Variants in NUP155 observed in about 807,000 individuals in gnomAD.
NUP155 encodes nucleoporin 155, also known as nuclear pore complex protein Nup155.
A neutral mutation model predicts 180.4 loss-of-function variants in NUP155; 71 were observed. The observed-to-expected ratio is 0.39, with a 90% CI of 0.33 to 0.48. The LOEUF is 0.48. Among genes scored for constraint, NUP155 ranks in the 20% least tolerant of loss-of-function variants. The probability of loss-of-function intolerance (pLI) is 0.91; values close to 1 mark genes in which losing one functional copy is unlikely to be tolerated. For missense variants in NUP155, 1,553 were observed against 1,648.9 expected (o/e 0.94, Z 1.01); for synonymous variants, 582 against 559.5 (o/e 1.04, Z -0.57).
chr5:37,292,743 T>G (rs1742302944), intron 34 of NUP155, 136 bp downstream of exon 34: 3 of 649,288 alleles, frequency 4.6e-6, no homozygotes, highest in South Asian at 1.8e-5. Flanking sequence ...TTTTCATACA[T>G]GGTGATCAAT....
intron 21 of NUP155, among the ~76,000 whole-genome samples, chr5:37,316,912 C>T (rs1561779355): frequency 6.6e-6 from 1 of 151,470 alleles, no homozygotes. Flanking sequence ...CCTGTAATCC[C>T]AGCACTTTGG....
intron 12 of NUP155, among the ~76,000 whole-genome samples, chr5:37,334,432 G>A (rs1745186369): frequency 6.6e-6 from 1 of 151,640 alleles, no homozygotes; most frequent in South Asian, 2.1e-4. Flanking sequence ...CAAGGCTGGA[G>A]TGCAGTGGCC....
chr5:37,340,625 ACAATT>A (rs1745652037), intron 11 of NUP155, among the ~76,000 whole-genome samples: 1 of 152,206 alleles, frequency 6.6e-6, no homozygotes, highest in African/African-American at 2.4e-5. Context: ...TAAGATGAAG[ACAATT>A]CAATGGGGGA....
rs1346705296 is a variant in NUP155, at chr5:37,365,711, GAGAAAAAAA to G, written c.158-1336_158-1328del. ...TGACAGAGCAAGACTCTGTCTCGGGGAGAAAAAAAAAAAAAAAAAAAAAAAAAATATATA... is the reference window on the plus strand; with the variant it reads ...TGACAGAGCAAGACTCTGTCTCGGGGAAAAAAAAAAAAAAAAAAATATATA... On this transcript the variant is annotated intron_variant, in intron 1 of 34. Coordinates refer to ENST00000231498, the MANE Select transcript of NUP155 (RefSeq NM_153485.3). Among the ~76,000 whole-genome samples the G allele has an allele frequency of 7.1e-4, 24 of 34,014 alleles. 2 individuals are homozygous for G. The highest frequency in any genetic ancestry group is 3.2e-3 in the African/African-American group (20 of 6,320). The allele number at this position is 34,014 out of a possible 152,430, so 22.3% of individuals were successfully genotyped here. A position where few individuals can be genotyped will look rare whatever the true frequency, so the allele number is the denominator to read the frequency against.
At chr5:37,311,603 G>A (rs1387076995) in intron 22 of NUP155, among the ~76,000 whole-genome samples, 1 of 151,696 alleles carries the variant, frequency 6.6e-6, no homozygotes, top group Non-Finnish European at 1.5e-5. Flanking sequence ...AATGGTATAC[G>A]AGAGTCAAAA....
chr5:37,361,200 G>A (rs1747191915), intron 3 of NUP155, among the ~76,000 whole-genome samples: 2 of 146,642 alleles, frequency 1.4e-5, no homozygotes, highest in Non-Finnish European at 3.0e-5. Flanking sequence ...CCAGGAGGTG[G>A]AGGTTGCAGT....
intron 21 of NUP155, among the ~76,000 whole-genome samples, chr5:37,316,581 C>T (rs1743899669): frequency 6.6e-6 from 1 of 152,072 alleles, no homozygotes; most frequent in African/African-American, 2.4e-5. Flanking sequence ...TCTCTTGCCT[C>T]GGCCTCCCGA....
In NUP155 at chr5:37,358,007, T is replaced by C. The variant is rs1027055865; in HGVS notation, c.463+74A>G. On this transcript the variant is annotated intron_variant, in intron 4 of 34. Transcript: ENST00000231498. Reference sequence around the variant, plus strand: ...GACTCCATCTCGAAAAAAATGTGTGTTGTTGTTCAGGTCTATACCATTTGG... The same window carrying C: ...GACTCCATCTCGAAAAAAATGTGTGCTGTTGTTCAGGTCTATACCATTTGG... The C allele has an allele frequency of 8.7e-6, 9 of 1,031,968 alleles. No homozygotes were observed. In the African/African-American group the frequency reaches 1.1e-4, roughly 13 times the overall value. 63.9% of individuals were successfully genotyped at this position (1,031,968 alleles called of 1,614,324 possible).
chr5:37,350,699 A>C (rs1746397271), intron 6 of NUP155, among the ~76,000 whole-genome samples: 1 of 151,652 alleles, frequency 6.6e-6, no homozygotes, highest in African/African-American at 2.4e-5. Flanking sequence ...AGCTATTGGG[A>C]GGCTGAGGCA....
At chr5:37,311,329 T>TG (rs1200933072) in intron 22 of NUP155, among the ~76,000 whole-genome samples, 1 of 152,136 alleles carries the variant, frequency 6.6e-6, no homozygotes, top group Non-Finnish European at 1.5e-5. Context: ...CCATTGGTGA[T>TG]GTAAGGAAGA....
intron 11 of NUP155, among the ~76,000 whole-genome samples, chr5:37,338,317 CA>C (rs530524699): frequency 0.11 from 7,328 of 64,998 alleles, 567 homozygotes; most frequent in African/African-American, 0.28. Context: ...GATTCCGTCT[CA>C]AAAAAAAAAA....
intron 5 of NUP155, among the ~76,000 whole-genome samples, chr5:37,351,793 A>G (rs751734900): frequency 1.4e-4 from 22 of 151,796 alleles, no homozygotes; most frequent in Non-Finnish European, 2.9e-4. Context: ...CAGCTTCTAT[A>G]ATATACATTT....
intron 32 of NUP155, among the ~76,000 whole-genome samples, 196 bp from the exon 33 acceptor site, chr5:37,294,661 G>A (rs966960907): frequency 1.6e-4 from 24 of 151,962 alleles, no homozygotes; most frequent in Admixed American, 1.2e-3. Flanking sequence ...TACAGTGCAC[G>A]ACAGCCTTGA....
intron 1 of NUP155, 29 bp downstream of exon 1, chr5:37,370,792 G>A (rs201569181): frequency 5.0e-6 from 8 of 1,613,944 alleles, no homozygotes; most frequent in South Asian, 1.1e-5. Context: ...AGTCCTTTAG[G>A]TTGAGAAAGC....
Position 37,290,071 on chromosome 5 carries a change from C to T in NUP155, c.*1829G>A, listed in dbSNP as rs1742168678. 6.6e-6 allele frequency: 1 copy of T among 152,080 alleles called. No individual in the cohort carries two copies. Among genetic ancestry groups the T allele is most frequent in the African/African-American group, 2.4e-5 (1 of 41,396 alleles). The allele number at this position is 152,080 out of a possible 1,614,324, so 9.4% of individuals were successfully genotyped here. A position where few individuals can be genotyped will look rare whatever the true frequency, so the allele number is the denominator to read the frequency against. ...AATGTAGAGAAGGCAACCCTATGGT[C>T]TTGGGAAAAGACAATAATGGAAGGA... is the stretch of plus-strand genomic sequence containing the variant. On this transcript the variant is annotated 3_prime_UTR_variant, in exon 35 of 35. Transcript: ENST00000231498.
At chr5:37,328,497 G>T (rs1581167109) in intron 16 of NUP155, 77 bp from the exon 17 acceptor site, 2 of 1,118,324 alleles carry the variant, frequency 1.8e-6, no homozygotes, top group East Asian at 4.8e-5. Context: ...ATTAGGTAAA[G>T]AAGGTATTTC....
intron 12 of NUP155, among the ~76,000 whole-genome samples, chr5:37,335,571 T>C (rs755955914): frequency 1.3e-5 from 2 of 152,282 alleles, no homozygotes; most frequent in African/African-American, 2.4e-5. Flanking sequence ...TTTGAAAGTA[T>C]AGACATCATT....
chr5:37,342,706 T>A, intron 9 of NUP155, 60 bp from the exon 10 acceptor site: 1 of 1,095,656 alleles, frequency 9.1e-7, no homozygotes, highest in Non-Finnish European at 1.4e-6. Flanking sequence ...TTATAAGAAA[T>A]ATTTCCCATC....
chr5:37,311,322 T>C (rs1019682611), intron 22 of NUP155, among the ~76,000 whole-genome samples: 3 of 152,160 alleles, frequency 2.0e-5, no homozygotes, highest in Non-Finnish European at 2.9e-5. Context: ...GAGCATGCCA[T>C]TGGTGATGTA....
Sources: allele counts gnomAD v4.1 joint callset (sites outside exome capture counted in the v4.1 genomes callset), GRCh38; gene constraint gnomAD v4.1.1; transcripts MANE v1.5; gene names NCBI Gene and HGNC (gene_info 2026-07-23, HGNC 2026-07-21).